MYT1L: variants seen among roughly 807,000 people sequenced by gnomAD.
The protein encoded by MYT1L is myelin transcription factor 1-like protein.
Under a neutral mutation model 126.7 loss-of-function variants are expected in MYT1L, and 12 were observed. That is an observed-to-expected ratio of 0.09 (90% confidence interval 0.06 to 0.15). MYT1L has a LOEUF of 0.15. Ranked by LOEUF, MYT1L falls within the 10% of genes least tolerant of loss-of-function variation. The probability of loss-of-function intolerance (pLI) is 1.00; values close to 1 mark genes in which losing one functional copy is unlikely to be tolerated. For missense variants in MYT1L, 979 were observed against 1,585.2 expected (o/e 0.62, Z 6.49); for synonymous variants, 541 against 604.2 (o/e 0.90, Z 1.53).
intron 8 of MYT1L, among the ~76,000 whole-genome samples, chr2:1,965,592 C>A (rs532313117): frequency 6.6e-6 from 1 of 152,364 alleles, no homozygotes; most frequent in South Asian, 2.1e-4. Flanking sequence ...GGTCCCATCG[C>A]CCCTGCCCTG....
chr2:1,861,618 G>C (rs1379566010), intron 18 of MYT1L, among the ~76,000 whole-genome samples: 10 of 151,762 alleles, frequency 6.6e-5, no homozygotes, highest in Non-Finnish European at 1.3e-4. Flanking sequence ...TGTAATCCTA[G>C]ATCTGCCTGC....
At chr2:2,201,410 TAA>T (rs2093066065) in intron 2 of MYT1L, among the ~76,000 whole-genome samples, 1 of 152,252 alleles carries the variant, frequency 6.6e-6, no homozygotes, top group African/African-American at 2.4e-5. Flanking sequence ...TTAAAAATCA[TAA>T]GTGTTGGCCG....
intron 2 of MYT1L, among the ~76,000 whole-genome samples, chr2:2,243,882 A>G (rs1408028102): frequency 6.6e-6 from 1 of 152,166 alleles, no homozygotes; most frequent in Non-Finnish European, 1.5e-5. Context: ...GGCTCACATC[A>G]CTGAAAAATG....
intron 1 of MYT1L, among the ~76,000 whole-genome samples, chr2:2,315,262 A>C (rs2149641772): frequency 6.6e-6 from 1 of 152,306 alleles, no homozygotes. Flanking sequence ...CACTGGCTTA[A>C]GATTTGCACC....
At chr2:1,952,909 T>C (rs1573927042) in intron 8 of MYT1L, among the ~76,000 whole-genome samples, 2 of 68,250 alleles carry the variant, frequency 2.9e-5, no homozygotes, top group Admixed American at 1.5e-4. Context: ...TTTCCCTTCC[T>C]CTCCCTTCCT....
intron 8 of MYT1L, among the ~76,000 whole-genome samples, chr2:1,955,222 T>A (rs968292853): frequency 1.3e-4 from 19 of 148,336 alleles, no homozygotes; most frequent in Middle Eastern, 3.5e-3. Flanking sequence ...AAAAAAAAAA[T>A]GGCTAAAGAT....
intron 3 of MYT1L, among the ~76,000 whole-genome samples, chr2:2,154,168 G>C (rs2148343764): frequency 6.6e-6 from 1 of 152,298 alleles, no homozygotes; most frequent in Middle Eastern, 3.4e-3. Context: ...TGCACTGGGA[G>C]GGCTGATGCC....
chr2:1,979,751 C>A lies in MYT1L; in HGVS notation c.27G>T (p.Arg9=). 2 of 1,613,998 alleles carry A rather than the reference C, an allele frequency of 1.2e-6. No individual in the cohort carries two copies. Among genetic ancestry groups the A allele is most frequent in the Non-Finnish European group, 1.7e-6 (2 of 1,179,912 alleles). The change falls in exon 6 of 25, where the codon CGG becomes CGT. Residue 9 remains arginine (R), a synonymous_variant. Transcript: ENST00000647738. The surrounding 1 kb of genome is among the most constrained non-coding windows in gnomAD (Gnocchi z 4.0). The stretch of plus-strand genomic sequence containing the variant: ...GAACCCCTTTGGACCGCGTGCGATG[C>A]CGCTTCTCCTCGGTGTCCACCTCCA... MEVDTEEK[R]HRTRSKGVRV... is the part of the protein sequence containing the mutation.
Position 1,793,215 on chromosome 2 carries a change from G to T in MYT1L, c.3277-751C>A, listed in dbSNP as rs1314269241. ...TCTCTAAGGAAAAAGGCCCACCACG[G>T]ACCCTTCCTCGCATATTCCAGAGAT... On this transcript the variant is annotated intron_variant, in intron 23 of 24. Coordinates refer to ENST00000647738, the MANE Select transcript of MYT1L (RefSeq NM_001303052.2). This position sits in a 1 kb window ranked among gnomAD's most constrained non-coding sequence, Gnocchi z 4.6. 6.6e-6 allele frequency among the ~76,000 whole-genome samples: 1 copy of T among 152,210 alleles called. No individual in the cohort carries two copies. The highest frequency in any genetic ancestry group is 1.5e-5 in the Non-Finnish European group (1 of 68,040).
chr2:2,140,112 G>A (rs1039569448), intron 3 of MYT1L, among the ~76,000 whole-genome samples: 1 of 152,160 alleles, frequency 6.6e-6, no homozygotes, highest in Non-Finnish European at 1.5e-5. Flanking sequence ...TATATCGGCA[G>A]ATTGAAATTC....
chr2:1,832,192 T>C (rs1351255301), intron 21 of MYT1L, among the ~76,000 whole-genome samples: 1 of 151,950 alleles, frequency 6.6e-6, no homozygotes, highest in Admixed American at 6.6e-5. Flanking sequence ...TCAGAGTCCT[T>C]ATGAGAGGAG....
intron 4 of MYT1L, among the ~76,000 whole-genome samples, chr2:2,053,614 A>G (rs968849250): frequency 5.9e-5 from 9 of 152,246 alleles, no homozygotes; most frequent in Middle Eastern, 3.4e-3. Flanking sequence ...ATATCCCAAA[A>G]TAGAACTAAT....
At chr2:1,857,581 C>T (rs904791434) in intron 18 of MYT1L, among the ~76,000 whole-genome samples, 2 of 152,086 alleles carry the variant, frequency 1.3e-5, no homozygotes, top group Admixed American at 6.6e-5. Context: ...ATCATGGAGA[C>T]TTAAGTAGTA....
At chr2:2,210,786 G>A (rs771219949) in intron 2 of MYT1L, among the ~76,000 whole-genome samples, 14 of 152,148 alleles carry the variant, frequency 9.2e-5, no homozygotes, top group Non-Finnish European at 2.1e-4. Context: ...ATCTTGATAG[G>A]AATTGCATTA....
chr2:1,802,122 T>G lies in MYT1L; in HGVS notation c.3173-323A>C, dbSNP rs10201019. Among the ~76,000 whole-genome samples the G allele has an allele frequency of 0.043, 6,566 of 152,152 alleles. 160 individuals are homozygous for G. The highest frequency in any genetic ancestry group is 0.072 in the East Asian group (370 of 5,146). ...GAGGCAGAAACCACCTGGTCCTGAG[T>G]GCCGATTTGCTGAGCCTGGCCTGTT... On this transcript the variant is annotated intron_variant, in intron 22 of 24. Transcript: ENST00000647738.
chr2:2,213,496 ACCAC>A (rs1284134843), intron 2 of MYT1L, among the ~76,000 whole-genome samples: 2 of 152,142 alleles, frequency 1.3e-5, no homozygotes, highest in African/African-American at 2.4e-5. Flanking sequence ...CAGCCGAAAA[ACCAC>A]CTGAAAATCC....
chr2:1,933,245 G>C (rs1466726936), intron 9 of MYT1L, among the ~76,000 whole-genome samples: 1 of 151,598 alleles, frequency 6.6e-6, no homozygotes, highest in Non-Finnish European at 1.5e-5. Flanking sequence ...AGCTCAGAGA[G>C]CCACGGAAAT....
In MYT1L at chr2:2,065,850, A is replaced by ACG. The variant is rs1412182451; in HGVS notation, c.-303-11728_-303-11727insCG. On this transcript the variant is annotated intron_variant, in intron 3 of 24. Transcript: ENST00000647738. Reference sequence around the variant, plus strand: ...CACACACACACACACACACACACGCACACACACACACACACACACAGAGCA... The same window carrying ACG: ...CACACACACACACACACACACACGCACGCACACACACACACACACACAGAGCA... Among the ~76,000 whole-genome samples the ACG allele has an allele frequency of 1.7e-4, 15 of 87,500 alleles. No homozygotes were observed. The South Asian group carries it at 6.2e-3, about 36-fold the overall frequency. 57.4% of individuals were successfully genotyped at this position (87,500 alleles called of 152,430 possible). A position where few individuals can be genotyped will look rare whatever the true frequency, so the allele number is the denominator to read the frequency against.
intron 1 of MYT1L, among the ~76,000 whole-genome samples, chr2:2,290,455 AGTTT>A (rs2095582872): frequency 6.6e-6 from 1 of 152,228 alleles, no homozygotes; most frequent in Admixed American, 6.5e-5. Flanking sequence ...ATACTCACAC[AGTTT>A]GTATAATTAA....
Sources: allele counts gnomAD v4.1 joint callset (sites outside exome capture counted in the v4.1 genomes callset), GRCh38; gene constraint gnomAD v4.1.1; non-coding constraint Gnocchi (gnomAD v3.1); transcripts MANE v1.5; gene names NCBI Gene and HGNC (gene_info 2026-07-23, HGNC 2026-07-21).